Variants in NHEJ1 observed in about 807,000 individuals in gnomAD.
The protein encoded by NHEJ1 is non-homologous end joining factor 1, also known as non-homologous end-joining factor 1.
A neutral mutation model predicts 39.4 loss-of-function variants in NHEJ1; 22 were observed. The ratio of observed to expected loss-of-function variants is 0.56; its 90% CI spans 0.40 to 0.80. The LOEUF is 0.80. Among genes scored for constraint, NHEJ1 ranks in the 30% least tolerant of loss-of-function variants. The pLI, the probability that NHEJ1 is intolerant of heterozygous loss-of-function variation, is 0.00. For missense variants in NHEJ1, 329 were observed against 357.1 expected, an observed-to-expected ratio of 0.92 and a Z score of 0.63; for synonymous variants, 154 against 135.6, an observed-to-expected ratio of 1.14 and a Z score of -0.94.
Position 219,076,342 on chromosome 2 carries a change from T to A in NHEJ1, c.*39A>T. 3 of 1,614,130 alleles carry A rather than the reference T, an allele frequency of 1.9e-6. No homozygotes were observed. Among genetic ancestry groups the A allele is most frequent in the Non-Finnish European group, 2.5e-6 (3 of 1,180,026 alleles). On this transcript the variant is annotated 3_prime_UTR_variant, in exon 8 of 8. Transcript: ENST00000356853. ...CTTTCAAGGTGAAGCTTGGAAGCTGTTCTCCAAGTCCATCCTCAGCAGCTG... is the reference window on the plus strand; with the variant it reads ...CTTTCAAGGTGAAGCTTGGAAGCTGATCTCCAAGTCCATCCTCAGCAGCTG...
intron 5 of NHEJ1, among the ~76,000 whole-genome samples, chr2:219,129,547 T>G (rs555714934): frequency 1.3e-5 from 2 of 152,234 alleles, no homozygotes; most frequent in African/African-American, 2.4e-5. Flanking sequence ...ATCCTGACGG[T>G]CCAAGAGCCC....
At chr2:219,103,478 G>A (rs1949285879) in intron 5 of NHEJ1, among the ~76,000 whole-genome samples, 2 of 152,042 alleles carry the variant, frequency 1.3e-5, no homozygotes, top group Admixed American at 1.3e-4. Context: ...GTTTCACCAT[G>A]TTGGCCAGGA....
At chr2:219,120,262 AGGTACAGT>A (rs1162059789) in intron 5 of NHEJ1, among the ~76,000 whole-genome samples, 1 of 151,974 alleles carries the variant, frequency 6.6e-6, no homozygotes, top group Non-Finnish European at 1.5e-5. Flanking sequence ...CACAAACTGG[AGGTACAGT>A]GGTGAGTGAG....
intron 6 of NHEJ1, 48 bp downstream of exon 6, chr2:219,078,041 G>T: frequency 7.9e-7 from 1 of 1,267,070 alleles, no homozygotes; most frequent in Non-Finnish European, 1.2e-6. Flanking sequence ...CATAAACCTA[G>T]ATCCTAATTG....
In NHEJ1 at chr2:219,072,390, G is replaced by A. The variant is rs1948970195; in HGVS notation, c.*3991C>T. ...ATTTATGGATATTAGTAACAGAGAC[G>A]AGGAACCAAGGTTCTTGAGCTCTGA... On this transcript the variant is annotated 3_prime_UTR_variant, in exon 8 of 8. Coordinates refer to ENST00000356853, the MANE Select transcript of NHEJ1 (RefSeq NM_024782.3). Among the ~76,000 whole-genome samples the A allele has an allele frequency of 1.3e-5, 2 of 152,170 alleles. No individual in the cohort carries two copies. The highest frequency in any genetic ancestry group is 6.5e-5 in the Admixed American group (1 of 15,272).
intron 4 of NHEJ1, among the ~76,000 whole-genome samples, chr2:219,147,146 T>C (rs1949748663): frequency 6.6e-6 from 1 of 152,200 alleles, no homozygotes; most frequent in Non-Finnish European, 1.5e-5. Context: ...ACAGCTTCTA[T>C]TGGCCACTTG....
chr2:219,121,725 T>C (rs943136337), intron 5 of NHEJ1, among the ~76,000 whole-genome samples: 1 of 151,168 alleles, frequency 6.6e-6, no homozygotes, highest in African/African-American at 2.4e-5. Context: ...ACTTGAGAGG[T>C]TGAGGTGGAA....
intron 5 of NHEJ1, among the ~76,000 whole-genome samples, chr2:219,114,687 A>T (rs536914362): frequency 5.9e-4 from 90 of 152,320 alleles, no homozygotes; most frequent in African/African-American, 2.1e-3. Context: ...AGTGACCCAC[A>T]GACCTGGAGA....
chr2:219,083,289 C>T (rs1949082245), intron 5 of NHEJ1, among the ~76,000 whole-genome samples: 1 of 152,002 alleles, frequency 6.6e-6, no homozygotes, highest in African/African-American at 2.4e-5. Flanking sequence ...TCAAAGATAA[C>T]CTGAAATGGC....
chr2:219,095,699 T>G (rs768790709), intron 5 of NHEJ1, among the ~76,000 whole-genome samples: 1 of 152,118 alleles, frequency 6.6e-6, no homozygotes, highest in Non-Finnish European at 1.5e-5. Flanking sequence ...AGGAGGGGTA[T>G]GGGTACTATT....
At chr2:219,140,618 G>A (rs1949681441) in intron 5 of NHEJ1, among the ~76,000 whole-genome samples, 1 of 152,188 alleles carries the variant, frequency 6.6e-6, no homozygotes, top group Non-Finnish European at 1.5e-5. Flanking sequence ...AACTAAAAGT[G>A]AAAGAATGAA....
chr2:219,153,704 T>C (rs11690522), intron 3 of NHEJ1, among the ~76,000 whole-genome samples: 45,065 of 96,588 alleles, frequency 0.47, 11,940 homozygotes, highest in Non-Finnish European at 0.54. Flanking sequence ...GGGGGGGGGG[T>C]GGAGAGAGAG....
At chr2:219,138,746 T>C (rs1949661906) in intron 5 of NHEJ1, among the ~76,000 whole-genome samples, 1 of 152,156 alleles carries the variant, frequency 6.6e-6, no homozygotes. Flanking sequence ...GATGGTAAGA[T>C]GAAATGGGAG....
intron 5 of NHEJ1, among the ~76,000 whole-genome samples, chr2:219,103,950 C>CATATGTAAGG (rs1350846623): frequency 1.3e-5 from 2 of 152,134 alleles, no homozygotes; most frequent in African/African-American, 4.8e-5. Flanking sequence ...CTAGAGCACA[C>CATATGTAAGG]ATATGTAAGG....
At chr2:219,116,862 C>G (rs1046820149) in intron 5 of NHEJ1, among the ~76,000 whole-genome samples, 3 of 152,146 alleles carry the variant, frequency 2.0e-5, no homozygotes, top group Admixed American at 6.5e-5. Context: ...ACCCCTTGCT[C>G]TGGGGTACCC....
chr2:219,156,562 A>AG (rs1949857065), intron 3 of NHEJ1, among the ~76,000 whole-genome samples: 2 of 152,236 alleles, frequency 1.3e-5, no homozygotes, highest in Admixed American at 1.3e-4. Context: ...GAGTGAGTAG[A>AG]GGATATTATC....
intron 5 of NHEJ1, among the ~76,000 whole-genome samples, chr2:219,088,382 C>T (rs950026362): frequency 6.6e-6 from 1 of 152,050 alleles, no homozygotes; most frequent in Non-Finnish European, 1.5e-5. Flanking sequence ...AATCCCAGCA[C>T]TTTGGGAGGC....
chr2:219,138,631 T>G (rs555933389), intron 5 of NHEJ1, among the ~76,000 whole-genome samples: 70 of 152,282 alleles, frequency 4.6e-4, no homozygotes, highest in Middle Eastern at 3.4e-3. Flanking sequence ...GAGCTTACAT[T>G]CTAACAGACA....
At position 219,075,887 on chromosome 2, in the gene NHEJ1, C is replaced by A. The variant is rs1238256416; in HGVS notation, c.*494G>T. The A allele has an allele frequency of 6.1e-6, 1 of 164,750 alleles. No individual in the cohort carries two copies. Among genetic ancestry groups the A allele is most frequent in the Non-Finnish European group, 1.3e-5 (1 of 76,014 alleles). 10.2% of individuals were successfully genotyped at this position (164,750 alleles called of 1,614,324 possible). On this transcript the variant is annotated 3_prime_UTR_variant, in exon 8 of 8. Transcript: ENST00000356853. ...AAGGACCAGACTGATGGCTAGACTT[C>A]ATCCAGAGACAACAATGGGGTGGGA... is the stretch of plus-strand genomic sequence containing the variant.
Sources: allele counts gnomAD v4.1 joint callset (sites outside exome capture counted in the v4.1 genomes callset), GRCh38; gene constraint gnomAD v4.1.1; transcripts MANE v1.5; gene names NCBI Gene and HGNC (gene_info 2026-07-23, HGNC 2026-07-21).